The following SOX5 variants were observed in gnomAD, a reference collection of about 807,000 sequenced individuals.
The protein encoded by SOX5 is transcription factor SOX-5.
A neutral mutation model predicts 92.0 loss-of-function variants in SOX5; 9 were observed. That is an observed-to-expected ratio of 0.10 (90% CI 0.06 to 0.17). SOX5 has a LOEUF of 0.17. SOX5 is among the 10% of genes least tolerant of loss of function. The pLI is 1.00. For missense variants in SOX5, 642 were observed against 944.5 expected (o/e 0.68, Z 4.20); for synonymous variants, 344 against 336.3 (o/e 1.02, Z -0.25).
At chr12:23,851,681 A>G (rs2096635354) in intron 2 of SOX5, among the ~76,000 whole-genome samples, 1 of 152,216 alleles carries the variant, frequency 6.6e-6, no homozygotes, top group East Asian at 1.9e-4. Context: ...AAAATGAAAA[A>G]TAAGAGAGGT....
At chr12:24,190,584 C>T (rs1350465835) in intron 4 of SOX5, among the ~76,000 whole-genome samples, 3 of 152,144 alleles carry the variant, frequency 2.0e-5, no homozygotes, top group Non-Finnish European at 4.4e-5. Flanking sequence ...GTGTCAGTGA[C>T]TTCATGTGAC....
chr12:23,577,879 T>C (rs1949416720), intron 9 of SOX5, among the ~76,000 whole-genome samples: 3 of 151,566 alleles, frequency 2.0e-5, no homozygotes, highest in Admixed American at 6.6e-5. Context: ...CCCAGCACTT[T>C]GGGAGGCCAA....
intron 4 of SOX5, among the ~76,000 whole-genome samples, chr12:24,192,909 T>G (rs1198228275): frequency 6.6e-6 from 1 of 152,218 alleles, no homozygotes; most frequent in Non-Finnish European, 1.5e-5. Context: ...TTGCTCCTCT[T>G]GCCATTATTT....
In SOX5 at chr12:23,534,378, G is replaced by T. The variant is rs1427356152; in HGVS notation, c.2133C>A (p.Ser711Arg). The T allele has an allele frequency of 6.2e-7, 1 of 1,613,974 alleles. No homozygotes were observed. The highest frequency in any genetic ancestry group is 8.5e-7 in the Non-Finnish European group (1 of 1,180,024). The change falls in exon 15 of 15, where the codon AGC (serine) becomes AGA (arginine). Residue 711 changes from serine (S) to arginine (R), a missense_variant. Transcript: ENST00000451604. Reference sequence around the variant, plus strand: ...GCTCCTCTCCTTTCACACCGTAAGTGCTCTGGATAACAGGCATCCCAGGCT... The same window carrying T: ...GCTCCTCTCCTTTCACACCGTAAGTTCTCTGGATAACAGGCATCCCAGGCT... ...SPEPGMPVIQ[S>R]TYGVKGEEPH...
intron 6 of SOX5, among the ~76,000 whole-genome samples, chr12:23,732,712 C>A (rs2093436158): frequency 6.6e-6 from 1 of 152,114 alleles, no homozygotes; most frequent in Admixed American, 6.6e-5. Context: ...ACACTTTGAT[C>A]AAATAAAAAT....
intron 2 of SOX5, among the ~76,000 whole-genome samples, chr12:24,361,098 C>T (rs1955505650): frequency 6.6e-6 from 1 of 152,144 alleles, no homozygotes; most frequent in Non-Finnish European, 1.5e-5. Context: ...CAGCACATTC[C>T]TTTCTCTTCT....
chr12:23,835,514 G>GT (rs2096399687), intron 3 of SOX5, among the ~76,000 whole-genome samples: 2 of 151,696 alleles, frequency 1.3e-5, no homozygotes, highest in Admixed American at 1.3e-4. Flanking sequence ...TCTAAAATGA[G>GT]TTTTTTCTTA....
At chr12:24,417,676 G>A (rs984568593) in intron 1 of SOX5, among the ~76,000 whole-genome samples, 1 of 152,196 alleles carries the variant, frequency 6.6e-6, no homozygotes, top group African/African-American at 2.4e-5. Flanking sequence ...GTCATTGAAG[G>A]GCTTCATAGA....
At chr12:23,999,219 T>C (rs1171180486) in intron 4 of SOX5, among the ~76,000 whole-genome samples, 1 of 149,788 alleles carries the variant, frequency 6.7e-6, no homozygotes, top group Non-Finnish European at 1.5e-5. Context: ...AACTGCCTGC[T>C]ACGTGATCTC....
At chr12:23,949,793 TTTCTCCCCCCCTCCTTCCCCTCCTCTC>T, upstream of SOX5, 1 of 485,280 alleles carries the variant, frequency 2.1e-6, no homozygotes, top group Non-Finnish European at 3.4e-6. Flanking sequence ...TCTCTCTCTC[TTTCTCCCCCCCTCCTTCCCCTCCTCTC>T]TCTCCTAGGA....
At chr12:23,671,099 C>A (rs1043056179) in intron 6 of SOX5, among the ~76,000 whole-genome samples, 9 of 152,026 alleles carry the variant, frequency 5.9e-5, no homozygotes, top group African/African-American at 2.2e-4. Context: ...GGGAAAAACA[C>A]AGGAATCAAA....
chr12:23,805,567 A>G (rs2095755121), intron 3 of SOX5, among the ~76,000 whole-genome samples: 1 of 152,154 alleles, frequency 6.6e-6, no homozygotes. Context: ...CCATTAAAAG[A>G]AAAAAAGAAA....
intron 1 of SOX5, among the ~76,000 whole-genome samples, chr12:24,499,140 T>C (rs781676264): frequency 7.2e-5 from 11 of 152,212 alleles, no homozygotes; most frequent in African/African-American, 9.6e-5. Flanking sequence ...TAAGTGTTTT[T>C]AAATTGTATT....
intron 3 of SOX5, among the ~76,000 whole-genome samples, chr12:23,770,978 C>T (rs1286967439): frequency 1.3e-5 from 2 of 152,012 alleles, no homozygotes; most frequent in Non-Finnish European, 2.9e-5. Context: ...TCAATAAAAA[C>T]AGTCTTCTCA....
At chr12:24,037,515 C>CAA (rs1177030256) in intron 4 of SOX5, among the ~76,000 whole-genome samples, 2 of 152,070 alleles carry the variant, frequency 1.3e-5, no homozygotes, top group Non-Finnish European at 2.9e-5. Context: ...ATGGTGACTT[C>CAA]AAATTTTTCC....
At chr12:23,649,398 T>C (rs1270619007) in intron 7 of SOX5, among the ~76,000 whole-genome samples, 2 of 152,098 alleles carry the variant, frequency 1.3e-5, no homozygotes, top group Admixed American at 6.6e-5. Flanking sequence ...ATGAGATTCA[T>C]ACTTAGTAAA....
chr12:23,883,095 G>A (rs1044452404), intron 2 of SOX5, among the ~76,000 whole-genome samples: 1 of 151,680 alleles, frequency 6.6e-6, no homozygotes, highest in African/African-American at 2.4e-5. Flanking sequence ...GCAGGAGAAT[G>A]GCGTGAACCC....
intron 1 of SOX5, among the ~76,000 whole-genome samples, chr12:24,455,380 ATGTAAGCACT>A (rs1362231916): frequency 2.0e-5 from 3 of 152,208 alleles, no homozygotes; most frequent in Non-Finnish European, 2.9e-5. Flanking sequence ...CTCATACTGT[ATGTAAGCACT>A]TTTTGTTCTG....
chr12:23,671,430 G>A (rs117141304), intron 6 of SOX5, among the ~76,000 whole-genome samples: 4,059 of 152,168 alleles, frequency 0.027, 79 homozygotes, highest in South Asian at 0.056. Context: ...GAAGCACACA[G>A]CAACAATACA....
Sources: gnomAD v4.1 joint callset for allele counts (sites outside exome capture counted in the v4.1 genomes callset) on GRCh38, gnomAD v4.1.1 for gene constraint, MANE v1.5 for transcripts, NCBI Gene and HGNC (gene_info 2026-07-23, HGNC 2026-07-21) for gene names.